The following SYT7 variants were observed in gnomAD, a reference collection of about 807,000 sequenced individuals.
SYT7 encodes synaptotagmin-7.
A neutral mutation model predicts 75.1 loss-of-function variants in SYT7; 29 were observed. That is an observed-to-expected ratio of 0.39 (90% CI 0.29 to 0.53). The LOEUF is 0.53. Ranked by LOEUF, SYT7 falls within the 20% of genes least tolerant of loss-of-function variation. The pLI is 0.77. For missense variants in SYT7, 693 were observed against 953.2 expected (o/e 0.73, Z 3.59); for synonymous variants, 376 against 401.7 (o/e 0.94, Z 0.76).
chr11:61,520,276 C>A (rs1435508813), intron 12 of SYT7, among the ~76,000 whole-genome samples: 1 of 151,930 alleles, frequency 6.6e-6, no homozygotes, highest in Non-Finnish European at 1.5e-5. Context: ...GTAATCCCAG[C>A]ACTGTAGGAG....
upstream of SYT7, among the ~76,000 whole-genome samples, chr11:61,582,447 C>T (rs1333779046): frequency 2.6e-5 from 4 of 151,646 alleles, no homozygotes; most frequent in Non-Finnish European, 4.4e-5. Context: ...CAAGTCTCCC[C>T]GACACACACA....
At chr11:61,541,044 T>C in intron 6 of SYT7, 1 of 985,558 alleles carries the variant, frequency 1.0e-6, no homozygotes, top group Non-Finnish European at 1.2e-6. Context: ...TATGGGAAGC[T>C]GGCATGGCAG....
chr11:61,554,463 GAC>G (rs144026235), intron 2 of SYT7, among the ~76,000 whole-genome samples: 1 of 151,670 alleles, frequency 6.6e-6, no homozygotes, highest in Non-Finnish European at 1.5e-5. Context: ...CACACACACA[GAC>G]ACACACACAC....
chr11:61,558,491 C>CACACACACACACAT (rs2063556409), intron 1 of SYT7, among the ~76,000 whole-genome samples: 1 of 142,276 alleles, frequency 7.0e-6, no homozygotes, highest in South Asian at 2.3e-4. Context: ...TATATACACA[C>CACACACACACACAT]ACACACACAC....
chr11:61,535,061 C>T (rs991501876), intron 7 of SYT7, among the ~76,000 whole-genome samples: 7 of 152,152 alleles, frequency 4.6e-5, no homozygotes, highest in Admixed American at 2.0e-4. Flanking sequence ...AGATAGTCAG[C>T]GCCACTGAAG....
At chr11:61,579,085 G>T (rs916377726) in intron 1 of SYT7, among the ~76,000 whole-genome samples, 16 of 152,180 alleles carry the variant, frequency 1.1e-4, no homozygotes, top group Admixed American at 1.3e-4. Flanking sequence ...GAAAGAGGAG[G>T]GAGGGAGAGG....
intron 5 of SYT7, among the ~76,000 whole-genome samples, chr11:61,544,634 CA>C (rs941211191): frequency 6.6e-6 from 1 of 152,202 alleles, no homozygotes; most frequent in Admixed American, 6.5e-5. Flanking sequence ...TTTCCTATCA[CA>C]TCCAAAATTA....
At chr11:61,581,330 C>G (rs1232023096), upstream of SYT7, among the ~76,000 whole-genome samples, 7 of 150,700 alleles carry the variant, frequency 4.6e-5, no homozygotes, top group Non-Finnish European at 8.9e-5. Context: ...CCGCCGAGCC[C>G]CACGGCCGGG....
rs2135241237 is a variant in SYT7, at chr11:61,542,329, C to T, written c.823G>A (p.Gly275Ser). 1.3e-6 allele frequency: 2 copies of T among 1,531,522 alleles called. No individual in the cohort carries two copies. Among genetic ancestry groups the T allele is most frequent in the South Asian group, 1.2e-5 (1 of 83,754 alleles). 94.9% of individuals were successfully genotyped at this position (1,531,522 alleles called of 1,614,324 possible). A position where few individuals can be genotyped will look rare whatever the true frequency, so the allele number is the denominator to read the frequency against. ...CGGTACTTGGAGCCGGCCGAGGTGCCCTGCCGAGCCTGGCCCCGGCCATAG... is the reference window on the plus strand; with the variant it reads ...CGGTACTTGGAGCCGGCCGAGGTGCTCTGCCGAGCCTGGCCCCGGCCATAG... ...RAYGRGQARQ[G>S]TSAGSKYRAA... The change falls in exon 6 of 13, where the codon GGC (glycine) becomes AGC (serine). Residue 275 changes from glycine to serine, a missense_variant. Transcript: ENST00000539008. This position sits in a 1 kb window ranked among gnomAD's most constrained non-coding sequence, Gnocchi z 7.8.
At chr11:61,568,523 C>T (rs1185768288) in intron 1 of SYT7, among the ~76,000 whole-genome samples, 1 of 152,210 alleles carries the variant, frequency 6.6e-6, no homozygotes, top group Non-Finnish European at 1.5e-5. Context: ...TCATGCTCAG[C>T]CTCCTACACA....
Position 61,546,907 on chromosome 11 carries a change from G to A in SYT7, c.347+270C>T, listed in dbSNP as rs980154209. On this transcript the variant is annotated intron_variant, in intron 4 of 12. Coordinates refer to ENST00000539008, the MANE Select transcript of SYT7 (RefSeq NM_001365809.2). The surrounding 1 kb of genome is among the most constrained non-coding windows in gnomAD (Gnocchi z 7.6). ...TGGGGTGGGCCCCGGGACCAGCTGGGGGGGCCAGGTATGGCTGCCGAGGGG... is the reference window on the plus strand; with the variant it reads ...TGGGGTGGGCCCCGGGACCAGCTGGAGGGGCCAGGTATGGCTGCCGAGGGG... Among the ~76,000 whole-genome samples the A allele has an allele frequency of 6.6e-5, 10 of 152,114 alleles. No individual in the cohort carries two copies. Among genetic ancestry groups the A allele is most frequent in the African/African-American group, 2.4e-4 (10 of 41,424 alleles).
intron 5 of SYT7, among the ~76,000 whole-genome samples, chr11:61,543,513 CT>C (rs1826892039): frequency 6.6e-6 from 1 of 152,216 alleles, no homozygotes. Flanking sequence ...TCAGAGAGAC[CT>C]GGGTTCAAAC....
chr11:61,544,956 G>A (rs2063143693), intron 5 of SYT7, among the ~76,000 whole-genome samples: 1 of 152,178 alleles, frequency 6.6e-6, no homozygotes, highest in Admixed American at 6.5e-5. Context: ...ACCCTCAGTT[G>A]AGGCAACAGG....
At chr11:61,533,238 CG>C in intron 7 of SYT7, 114 bp from the exon 8 acceptor site, 1 of 1,459,904 alleles carries the variant, frequency 6.8e-7, no homozygotes, top group Non-Finnish European at 9.0e-7. Flanking sequence ...CCATGCCCGG[CG>C]GGCCGGCAGG....
At chr11:61,577,054 G>A (rs2064103139) in intron 1 of SYT7, among the ~76,000 whole-genome samples, 1 of 152,108 alleles carries the variant, frequency 6.6e-6, no homozygotes, top group Non-Finnish European at 1.5e-5. Context: ...GGGCTTTGGG[G>A]CTATCTCCCT....
chr11:61,544,496 T>C (rs2063130550), intron 5 of SYT7, among the ~76,000 whole-genome samples: 1 of 152,180 alleles, frequency 6.6e-6, no homozygotes, highest in Non-Finnish European at 1.5e-5. Flanking sequence ...AAATCCAGGC[T>C]ACCTCCAGGG....
intron 12 of SYT7, among the ~76,000 whole-genome samples, chr11:61,519,334 C>T (rs921773409): frequency 6.6e-6 from 1 of 152,240 alleles, no homozygotes; most frequent in Admixed American, 6.5e-5. Flanking sequence ...CAGCCTCACC[C>T]GGCTGCATGC....
At chr11:61,569,731 G>A (rs1156850152) in intron 1 of SYT7, among the ~76,000 whole-genome samples, 2 of 152,124 alleles carry the variant, frequency 1.3e-5, no homozygotes, top group African/African-American at 4.8e-5. Context: ...AGGACAGGGA[G>A]GAAGGAGGAA....
In SYT7 at chr11:61,546,101, C is replaced by T. The variant is rs776662935; in HGVS notation, c.502G>A (p.Gly168Ser). The T allele has an allele frequency of 1.1e-4, 163 of 1,531,240 alleles. No homozygotes were observed. Among genetic ancestry groups the T allele is most frequent in the Middle Eastern group, 5.0e-4 (3 of 5,970 alleles). 94.9% of individuals were successfully genotyped at this position (1,531,240 alleles called of 1,614,324 possible). A position where few individuals can be genotyped will look rare whatever the true frequency, so the allele number is the denominator to read the frequency against. The part of the protein sequence containing the change: ...GAAPSEPGSG[G>S]KAGRGRWRTV... ...CGCCAGCGGCCTCTCCCCGCCTTGCCACCGCTGCCCGGCTCGCTGGGGGCA... is the reference window on the plus strand; with the variant it reads ...CGCCAGCGGCCTCTCCCCGCCTTGCTACCGCTGCCCGGCTCGCTGGGGGCA... The change falls in exon 5 of 13, where the codon GGC becomes AGC. Residue 168 changes from glycine to serine, a missense_variant. Physicochemically the swap from Gly to Ser is moderately conservative, Grantham distance 56. This residue lies in a region of SYT7 where 487 missense variants were observed against 593.2 expected (regional missense o/e 0.82). Transcript: ENST00000539008. The surrounding 1 kb of genome is among the most constrained non-coding windows in gnomAD (Gnocchi z 7.6).
Sources: allele counts gnomAD v4.1 joint callset (sites outside exome capture counted in the v4.1 genomes callset), GRCh38; gene constraint gnomAD v4.1.1; regional missense constraint gnomAD v4.1.1; non-coding constraint Gnocchi (gnomAD v3.1); transcripts MANE v1.5; gene names NCBI Gene and HGNC (gene_info 2026-07-23, HGNC 2026-07-21).